The following SNX9 variants were observed in gnomAD, a reference collection of about 807,000 sequenced individuals.
SNX9 encodes sorting nexin-9.
Under a neutral mutation model 89.4 loss-of-function variants are expected in SNX9, and 44 were observed. That is an observed-to-expected ratio of 0.49 (90% CI 0.39 to 0.63). The LOEUF is 0.63. Among genes scored for constraint, SNX9 ranks in the 30% least tolerant of loss-of-function variants. The probability of loss-of-function intolerance (pLI) is 0.00; values close to 1 mark genes in which losing one functional copy is unlikely to be tolerated. For synonymous variants in SNX9, 236 were observed against 247.8 expected, an observed-to-expected ratio of 0.95 and a Z score of 0.45; for missense variants, 578 against 736.1, an observed-to-expected ratio of 0.79 and a Z score of 2.49.
At chr6:157,860,608 G>A (rs1391811532) in intron 1 of SNX9, among the ~76,000 whole-genome samples, 1 of 152,162 alleles carries the variant, frequency 6.6e-6, no homozygotes, top group East Asian at 1.9e-4. Context: ...TTGTTCTTGT[G>A]TGCACCGCAT....
At chr6:157,895,717 G>C (rs933271880) in intron 4 of SNX9, among the ~76,000 whole-genome samples, 2 of 152,110 alleles carry the variant, frequency 1.3e-5, no homozygotes, top group Admixed American at 1.3e-4. Context: ...TGGGATGTTT[G>C]AGTAAGTATA....
At chr6:157,835,792 C>T (rs1368254202) in intron 1 of SNX9, among the ~76,000 whole-genome samples, 2 of 152,150 alleles carry the variant, frequency 1.3e-5, no homozygotes, top group African/African-American at 2.4e-5. Flanking sequence ...CATGAGGCCT[C>T]CCTAGCCATG....
intron 6 of SNX9, among the ~76,000 whole-genome samples, chr6:157,904,365 C>T (rs1311766535): frequency 2.0e-5 from 3 of 151,814 alleles, no homozygotes; most frequent in South Asian, 4.2e-4. Context: ...ACCCGGGAGA[C>T]GGAGGTTGCA....
In SNX9 at chr6:157,826,416, C is replaced by T. The variant is rs911759152; in HGVS notation, c.12+2970C>T. 2.7e-5 allele frequency among the ~76,000 whole-genome samples: 4 copies of T among 149,980 alleles called. No individual in the cohort carries two copies. The East Asian group carries it at 7.8e-4, about 29-fold the overall frequency. ...TCGGGAGGCTGAGGCAGGAGAATAG[C>T]GTGAACCCGGGAGGCAGAACTTGCA... is the stretch of plus-strand genomic sequence containing the variant. On this transcript the variant is annotated intron_variant, in intron 1 of 17. Transcript: ENST00000392185.
In SNX9 at chr6:157,827,862, CTTT is replaced by C. The variant is rs67464115; in HGVS notation, c.12+4429_12+4431del. Among the ~76,000 whole-genome samples the C allele has an allele frequency of 5.5e-3, 731 of 133,922 alleles. 7 individuals are homozygous for C. The highest frequency in any genetic ancestry group is 0.018 in the African/African-American group (699 of 37,814). The allele number at this position is 133,922 out of a possible 152,430, so 87.9% of individuals were successfully genotyped here. Reference sequence around the variant, plus strand: ...AACAAGATTCTAGGAGTTCCTGATGCTTTTTTTTTTTTTTTAACTCTTCGGTTC... The same window carrying C: ...AACAAGATTCTAGGAGTTCCTGATGCTTTTTTTTTTTTAACTCTTCGGTTC... On this transcript the variant is annotated intron_variant, in intron 1 of 17. Coordinates refer to ENST00000392185, the MANE Select transcript of SNX9 (RefSeq NM_016224.5).
chr6:157,832,180 A>AT (rs1781490445), intron 1 of SNX9, among the ~76,000 whole-genome samples: 1 of 152,228 alleles, frequency 6.6e-6, no homozygotes, highest in South Asian at 2.1e-4. Flanking sequence ...GTCATATGGT[A>AT]TTATTACCCA....
At chr6:157,838,032 T>G (rs1781618281) in intron 1 of SNX9, among the ~76,000 whole-genome samples, 1 of 152,160 alleles carries the variant, frequency 6.6e-6, no homozygotes, top group African/African-American at 2.4e-5. Context: ...ATTTTGTTTG[T>G]TTTTTTGAGA....
At chr6:157,927,930 A>AACACACACAC (rs71689763) in intron 11 of SNX9, among the ~76,000 whole-genome samples, 5 of 148,906 alleles carry the variant, frequency 3.4e-5, no homozygotes, top group African/African-American at 7.4e-5. Flanking sequence ...ATAGACAAGT[A>AACACACACAC]ACACACACAC....
At chr6:157,833,044 G>C (rs1297494038) in intron 1 of SNX9, among the ~76,000 whole-genome samples, 1 of 152,178 alleles carries the variant, frequency 6.6e-6, no homozygotes, top group Non-Finnish European at 1.5e-5. Context: ...TGGGAATAAA[G>C]ATTTGGATCC....
intron 3 of SNX9, among the ~76,000 whole-genome samples, chr6:157,873,584 G>C (rs1782459930): frequency 1.4e-5 from 2 of 140,914 alleles, no homozygotes; most frequent in South Asian, 4.4e-4. Flanking sequence ...ATTTTTATAA[G>C]CAAAATATAT....
chr6:157,893,477 A>G (rs989290908), intron 4 of SNX9, among the ~76,000 whole-genome samples: 7 of 152,068 alleles, frequency 4.6e-5, no homozygotes, highest in Non-Finnish European at 8.8e-5. Context: ...TGTCTGCCCC[A>G]TGTGTCGGTT....
intron 12 of SNX9, among the ~76,000 whole-genome samples, chr6:157,931,091 G>T (rs975033167): frequency 1.8e-4 from 27 of 152,216 alleles, no homozygotes; most frequent in African/African-American, 6.5e-4. Flanking sequence ...CTCTTTTGTG[G>T]GGTGGGGAAA....
At chr6:157,917,467 A>G (rs1034151761) in intron 9 of SNX9, among the ~76,000 whole-genome samples, 1 of 152,108 alleles carries the variant, frequency 6.6e-6, no homozygotes, top group African/African-American at 2.4e-5. Context: ...CATTCTATAA[A>G]GTCTACCTTA....
intron 10 of SNX9, chr6:157,924,709 A>G (rs768954865): frequency 5.3e-5 from 8 of 152,266 alleles, no homozygotes; most frequent in African/African-American, 1.4e-4. Flanking sequence ...ATGGCATCAC[A>G]TGCCACCACA....
chr6:157,933,301 AAAG>A (rs879847669), intron 13 of SNX9, among the ~76,000 whole-genome samples: 2 of 148,564 alleles, frequency 1.3e-5, no homozygotes, highest in Admixed American at 6.6e-5. Context: ...CTCAAGAAAA[AAAG>A]AAGAAAAAGC....
intron 16 of SNX9, 149 bp from the exon 17 acceptor site, chr6:157,940,734 C>T: frequency 1.5e-6 from 1 of 656,146 alleles, no homozygotes; most frequent in Non-Finnish European, 2.6e-6. Flanking sequence ...TTTTTCTAAC[C>T]TCTTAGTAAA....
Position 157,826,574 on chromosome 6 carries a change from C to A in SNX9, c.12+3128C>A, listed in dbSNP as rs115237694. 4.1e-3 allele frequency among the ~76,000 whole-genome samples: 605 copies of A among 149,064 alleles called. 7 individuals carry two copies. The highest frequency in any genetic ancestry group is 0.014 in the African/African-American group (579 of 40,118). The stretch of plus-strand genomic sequence containing the variant: ...GGGGATTATCTATTTTCTATTTCTA[C>A]TCCTTACTCAGTAGAGTGCTGCATT... On this transcript the variant is annotated intron_variant, in intron 1 of 17. Transcript: ENST00000392185.
intron 13 of SNX9, among the ~76,000 whole-genome samples, chr6:157,935,216 T>C (rs149171167): frequency 9.2e-5 from 14 of 152,324 alleles, no homozygotes; most frequent in African/African-American, 3.4e-4. Context: ...TTGATCCTTA[T>C]GGAAGTATTT....
intron 1 of SNX9, among the ~76,000 whole-genome samples, chr6:157,861,674 G>A (rs932586467): frequency 6.6e-6 from 1 of 152,132 alleles, no homozygotes; most frequent in African/African-American, 2.4e-5. Context: ...TAGTGACGGG[G>A]GATATGTTCC....
Sources: gnomAD v4.1 joint callset for allele counts (sites outside exome capture counted in the v4.1 genomes callset) on GRCh38, gnomAD v4.1.1 for gene constraint, MANE v1.5 for transcripts, NCBI Gene and HGNC (gene_info 2026-07-23, HGNC 2026-07-21) for gene names.